SMCHD1: variants seen among roughly 807,000 people sequenced by gnomAD.
SMCHD1 encodes structural maintenance of chromosomes flexible hinge domain-containing protein 1.
Under a neutral mutation model 254.7 loss-of-function variants are expected in SMCHD1, and 78 were observed. The observed-to-expected ratio is 0.31, with a 90% CI of 0.26 to 0.37. SMCHD1 has a LOEUF of 0.37. Ranked by LOEUF, SMCHD1 falls within the 10% of genes least tolerant of loss-of-function variation. The probability of loss-of-function intolerance (pLI) is 1.00; values close to 1 mark genes in which losing one functional copy is unlikely to be tolerated. For missense variants in SMCHD1, 1,840 were observed against 2,408.1 expected (o/e 0.76, Z 4.94); for synonymous variants, 766 against 794.9 (o/e 0.96, Z 0.61).
intron 39 of SMCHD1, 29 bp from the exon 40 acceptor site, chr18:2,771,504 T>C (rs2075983563): frequency 6.6e-7 from 1 of 1,511,842 alleles, no homozygotes; most frequent in Non-Finnish European, 8.9e-7. Flanking sequence ...TATCAGAAAT[T>C]GATGCAAATT....
rs2075567862 is a variant in SMCHD1, at chr18:2,751,381, A to G, written c.4269A>G (p.Arg1423=). 6.4e-7 allele frequency: 1 copy of G among 1,561,472 alleles called. No homozygotes were observed. The highest frequency in any genetic ancestry group is 1.2e-5 in the South Asian group (1 of 82,732). The part of the protein sequence containing the change: ...KMWKLSTSGN[R]PPANAETFSC... ...GGAAGCTGTCTACCAGTGGGAACCG[A>G]CCCCCAGCAAATGTGAGTCATGGGA... The change falls in exon 33 of 48, where the codon CGA becomes CGG. Residue 1423 remains arginine, a synonymous_variant. Coordinates refer to ENST00000320876, the MANE Select transcript of SMCHD1 (RefSeq NM_015295.3).
intron 12 of SMCHD1, among the ~76,000 whole-genome samples, chr18:2,702,707 C>T (rs971047628): frequency 6.6e-6 from 1 of 152,094 alleles, no homozygotes; most frequent in African/African-American, 2.4e-5. Context: ...TTTCCTTTTT[C>T]ATTCATATAA....
At chr18:2,758,121 G>A (rs933333842) in intron 34 of SMCHD1, among the ~76,000 whole-genome samples, 10 of 151,976 alleles carry the variant, frequency 6.6e-5, no homozygotes, top group Non-Finnish European at 1.5e-4. Flanking sequence ...TTTTTTTCCT[G>A]ATAATCTTTG....
In SMCHD1 at chr18:2,770,079, C is replaced by T. The variant is rs538484850; in HGVS notation, c.4937C>T (p.Ala1646Val). The change falls in exon 39 of 48, where the codon GCC becomes GTC. Residue 1646 changes from alanine (A) to valine (V), a missense_variant. Coordinates refer to ENST00000320876, the MANE Select transcript of SMCHD1 (RefSeq NM_015295.3). The stretch of plus-strand genomic sequence containing the variant: ...GTTATGTATAAAAGTTTATTTGAAG[C>T]CAGCCAACAGCTTCTTAATGAAATG... ...SIVMYKSLFE[A>V]SQQLLNEMKC... 6.3e-7 allele frequency: 1 copy of T among 1,598,630 alleles called. No individual in the cohort carries two copies. The highest frequency in any genetic ancestry group is 2.2e-5 in the East Asian group (1 of 44,560).
Position 2,708,915 on chromosome 18 carries a change from T to TATATATATATAAC in SMCHD1, c.2260+996_2260+997insTATATATATAACA, listed in dbSNP as rs1568199419. Among the ~76,000 whole-genome samples, 70 of 90,452 alleles carry TATATATATATAAC rather than the reference T, an allele frequency of 7.7e-4. 1 individual carries two copies. Among genetic ancestry groups the TATATATATATAAC allele is most frequent in the Non-Finnish European group, 1.2e-3 (54 of 45,656 alleles). 59.3% of individuals were successfully genotyped at this position (90,452 alleles called of 152,430 possible). A position where few individuals can be genotyped will look rare whatever the true frequency, so the allele number is the denominator to read the frequency against. On this transcript the variant is annotated intron_variant, in intron 17 of 47. Transcript: ENST00000320876. ...ATATATATATATATATATAACATAT[T>TATATATATATAAC]AACATGAAATTTATGAAGTGGCATT...
At chr18:2,763,580 C>A in intron 36 of SMCHD1, 57 bp from the exon 37 acceptor site, 1 of 1,352,368 alleles carries the variant, frequency 7.4e-7, no homozygotes, top group Non-Finnish European at 9.9e-7. Flanking sequence ...ACATGCTCTT[C>A]TCTGGGTTTA....
rs575392450 is a variant in SMCHD1, at chr18:2,774,733, CA to C, written c.5176-999del. Among the ~76,000 whole-genome samples, 126 of 152,268 alleles carry C rather than the reference CA, an allele frequency of 8.3e-4. 1 individual carries two copies. The highest frequency in any genetic ancestry group is 2.5e-3 in the African/African-American group (103 of 41,568). ...GCCTGATGTTTCTAAAAGTGACACA[CA>C]ATGTTCTTATTGCTAGAGTAGGTTT... On this transcript the variant is annotated intron_variant, in intron 41 of 47. Coordinates refer to ENST00000320876, the MANE Select transcript of SMCHD1 (RefSeq NM_015295.3).
intron 20 of SMCHD1, 30 bp from the exon 21 acceptor site, chr18:2,724,869 G>A: frequency 7.3e-7 from 1 of 1,364,934 alleles, no homozygotes; most frequent in Non-Finnish European, 1.0e-6. Flanking sequence ...GGCAATTGAG[G>A]GGAGTTAAAA....
rs199941674 is a variant in SMCHD1 at position 2,762,218 on chromosome 18, T to C, written c.4548T>C (p.Asp1516=). 2 of 1,613,646 alleles carry C rather than the reference T, an allele frequency of 1.2e-6. No individual in the cohort carries two copies. Among genetic ancestry groups the C allele is most frequent in the African/African-American group, 2.7e-5 (2 of 75,028 alleles). ...TTGCCAGTAGGACCTTGGTCAGAGA[T>C]CTACATCTTAGTATCACGGTAATGT... is the stretch of plus-strand genomic sequence containing the variant. The part of the protein sequence containing the change: ...RSVASRTLVR[D]LHLSITDDYD... The change falls in exon 36 of 48, where the codon GAT becomes GAC. Residue 1516 remains aspartate (D), a synonymous_variant. Transcript: ENST00000320876.
In SMCHD1 at chr18:2,718,298, C is replaced by G; in HGVS notation, c.2339-17C>G. ...ATTGTGTTGACTTGATTTTTAATTT[C>G]TTCTTAATTTATCCAGAAAATATTC... On this transcript the variant is annotated splice_polypyrimidine_tract_variant and intron_variant, in intron 18 of 47. Transcript: ENST00000320876. The surrounding 1 kb of genome is among the most constrained non-coding windows in gnomAD (Gnocchi z 4.6). The G allele has an allele frequency of 3.1e-6, 5 of 1,607,536 alleles. No homozygotes were observed. The highest frequency in any genetic ancestry group is 4.2e-6 in the Non-Finnish European group (5 of 1,176,912).
intron 3 of SMCHD1, among the ~76,000 whole-genome samples, chr18:2,669,196 A>C (rs958557277): frequency 6.6e-6 from 1 of 151,844 alleles, no homozygotes; most frequent in South Asian, 2.1e-4. Flanking sequence ...AAAATACAGG[A>C]ATTATTTGGA....
At chr18:2,745,433 T>C (rs4350645) in intron 29 of SMCHD1, among the ~76,000 whole-genome samples, 30,920 of 152,188 alleles carry the variant, frequency 0.2, 3,385 homozygotes, top group South Asian at 0.33. Context: ...TAGTTTGAGA[T>C]TGATCTTTTT....
At chr18:2,678,087 T>C (rs1167648899) in intron 5 of SMCHD1, among the ~76,000 whole-genome samples, 1 of 152,226 alleles carries the variant, frequency 6.6e-6, no homozygotes, top group African/African-American at 2.4e-5. Flanking sequence ...CATTTTCGTA[T>C]AAATGTGATC....
At chr18:2,706,332 T>C in intron 14 of SMCHD1, 32 bp from the exon 15 acceptor site, 1 of 1,408,184 alleles carries the variant, frequency 7.1e-7, no homozygotes, top group Non-Finnish European at 9.6e-7. Flanking sequence ...TAAATAGTTT[T>C]CTTTGAAATG....
intron 44 of SMCHD1, among the ~76,000 whole-genome samples, chr18:2,782,744 CAAAAAAAAA>C (rs779083565): frequency 2.7e-4 from 12 of 44,980 alleles, no homozygotes; most frequent in African/African-American, 7.6e-4. Context: ...GACCACAACT[CAAAAAAAAA>C]AAAAAAAAAA....
chr18:2,771,521 T>C lies in SMCHD1; in HGVS notation c.4967-12T>C. ...TCAGAAATTGATGCAAATTTTTGGT[T>C]TTTTATTTTAGGTCAAGTTGAAGAA... On this transcript the variant is annotated splice_polypyrimidine_tract_variant and intron_variant, in intron 39 of 47. Coordinates refer to ENST00000320876, the MANE Select transcript of SMCHD1 (RefSeq NM_015295.3). The C allele has an allele frequency of 6.4e-7, 1 of 1,551,736 alleles. No individual in the cohort carries two copies. Among genetic ancestry groups the C allele is most frequent in the Non-Finnish European group, 8.6e-7 (1 of 1,161,742 alleles).
intron 5 of SMCHD1, among the ~76,000 whole-genome samples, chr18:2,680,277 T>A (rs919846221): frequency 6.6e-6 from 1 of 151,790 alleles, no homozygotes; most frequent in Non-Finnish European, 1.5e-5. Flanking sequence ...TATAATAATA[T>A]AATGTAGCAA....
At chr18:2,797,774 A>G (rs1205087603) in intron 47 of SMCHD1, among the ~76,000 whole-genome samples, 1 of 152,128 alleles carries the variant, frequency 6.6e-6, no homozygotes, top group Non-Finnish European at 1.5e-5. Flanking sequence ...AAAATAAGCC[A>G]GTCATGGTGG....
At chr18:2,673,520 T>G (rs2073667355) in intron 4 of SMCHD1, among the ~76,000 whole-genome samples, 157 bp downstream of exon 4, 1 of 152,248 alleles carries the variant, frequency 6.6e-6, no homozygotes, top group Non-Finnish European at 1.5e-5. Context: ...GTTTTTTTCC[T>G]ATGCATATAT....
Sources: gnomAD v4.1 joint callset for allele counts (sites outside exome capture counted in the v4.1 genomes callset) on GRCh38, gnomAD v4.1.1 for gene constraint, Gnocchi (gnomAD v3.1) non-coding constraint, MANE v1.5 for transcripts, NCBI Gene and HGNC (gene_info 2026-07-23, HGNC 2026-07-21) for gene names.